The following FSIP1 variants were observed in gnomAD, a reference collection of about 807,000 sequenced individuals.
FSIP1 encodes fibrous sheath interacting protein 1.
FSIP1 carries 65 observed loss-of-function variants against 60.9 expected under a neutral mutation model. The observed-to-expected ratio is 1.07, with a 90% CI of 0.87 to 1.31. The LOEUF is 1.31. Among genes scored for constraint, FSIP1 ranks in the 40% most tolerant of loss-of-function variants. The pLI, the probability that FSIP1 is intolerant of heterozygous loss-of-function variation, is 0.00. For synonymous variants in FSIP1, 209 were observed against 221.2 expected, an observed-to-expected ratio of 0.94 and a Z score of 0.49; for missense variants, 675 against 665.5, an observed-to-expected ratio of 1.01 and a Z score of -0.16.
At chr15:39,738,251 T>A in intron 7 of FSIP1, 50 bp from the exon 8 acceptor site, 2 of 1,238,284 alleles carry the variant, frequency 1.6e-6, no homozygotes, top group African/African-American at 1.6e-5. Context: ...AAATTCACAG[T>A]TCAGGAAAAA....
intron 9 of FSIP1, among the ~76,000 whole-genome samples, chr15:39,722,733 C>A (rs1320760908): frequency 6.6e-6 from 1 of 152,020 alleles, no homozygotes; most frequent in Non-Finnish European, 1.5e-5. Context: ...GAGTTCAAGA[C>A]CAGCCTAGGC....
chr15:39,658,786 A>G (rs1893175565), intron 10 of FSIP1, among the ~76,000 whole-genome samples: 1 of 152,244 alleles, frequency 6.6e-6, no homozygotes, highest in Non-Finnish European at 1.5e-5. Flanking sequence ...GAGCTGCCGT[A>G]TGACCCAGAA....
intron 9 of FSIP1, among the ~76,000 whole-genome samples, chr15:39,721,776 T>C (rs1173406768): frequency 1.3e-5 from 2 of 152,362 alleles, no homozygotes; most frequent in East Asian, 3.9e-4. Flanking sequence ...CTCAATTCGG[T>C]AATTGTCAAG....
intron 10 of FSIP1, among the ~76,000 whole-genome samples, chr15:39,635,986 T>C (rs989317066): frequency 2.6e-5 from 4 of 152,174 alleles, no homozygotes; most frequent in African/African-American, 9.7e-5. Context: ...TAGGCTCTTG[T>C]TGAAGAGCAT....
downstream of FSIP1, chr15:39,598,563 A>G (rs1890531623): frequency 6.6e-6 from 1 of 152,252 alleles, no homozygotes. Flanking sequence ...GATTGAAAAT[A>G]CCAAGATAAG....
chr15:39,763,849 A>G lies in FSIP1; in HGVS notation c.531T>C (p.Ser177=). 6.3e-7 allele frequency: 1 copy of G among 1,595,512 alleles called. No individual in the cohort carries two copies. The highest frequency in any genetic ancestry group is 8.6e-7 in the Non-Finnish European group (1 of 1,163,550). The change falls in exon 5 of 12, where the codon TCT becomes TCC. Residue 177 remains serine, a synonymous_variant. Coordinates refer to ENST00000350221, the MANE Select transcript of FSIP1 (RefSeq NM_152597.5). ...EEMENTKKFL[S]LTAVSEETVG... is the part of the protein sequence containing the mutation. ...CAGTTTCTTCAGAAACAGCAGTCAA[A>G]GATAAAAATTTTTTTGTATTTTCCA... is the stretch of plus-strand genomic sequence containing the variant.
chr15:39,652,949 G>C (rs979621782), intron 10 of FSIP1, among the ~76,000 whole-genome samples: 1 of 152,100 alleles, frequency 6.6e-6, no homozygotes, highest in Non-Finnish European at 1.5e-5. Flanking sequence ...GTTGAGGTGG[G>C]TGGACCGCTT....
At chr15:39,660,405 G>C (rs538732881) in intron 10 of FSIP1, among the ~76,000 whole-genome samples, 159 of 152,328 alleles carry the variant, frequency 1.0e-3, no homozygotes, top group African/African-American at 3.6e-3. Context: ...TATCAGAAAA[G>C]GGTAGGGGGA....
intron 10 of FSIP1, among the ~76,000 whole-genome samples, chr15:39,646,653 A>T (rs1418299873): frequency 1.3e-5 from 2 of 150,712 alleles, no homozygotes; most frequent in African/African-American, 4.9e-5. Context: ...CTATGATTGC[A>T]CCACTGCATT....
In FSIP1 at chr15:39,776,447, A is replaced by ACTT; in HGVS notation, c.75_77dup (p.Arg25dup). 1 of 1,613,816 alleles carries ACTT rather than the reference A, an allele frequency of 6.2e-7. No individual in the cohort carries two copies. The highest frequency in any genetic ancestry group is 8.5e-7 in the Non-Finnish European group (1 of 1,179,778). On this transcript the variant is annotated inframe_insertion, in exon 2 of 12. Coordinates refer to ENST00000350221, the MANE Select transcript of FSIP1 (RefSeq NM_152597.5). ...AGAGCACCTCCAAAGAAGCATTTGA[A>ACTT]CTTCTGCTCCCAGGGCGTATTCTTG...
intron 6 of FSIP1, 60 bp from the exon 7 acceptor site, chr15:39,739,849 T>G: frequency 7.5e-6 from 8 of 1,064,528 alleles, no homozygotes; most frequent in Non-Finnish European, 1.1e-5. Context: ...TGCTAAAAGT[T>G]CACTTTAAGC....
intron 10 of FSIP1, among the ~76,000 whole-genome samples, chr15:39,710,641 T>C (rs1334351507): frequency 1.3e-5 from 2 of 152,104 alleles, no homozygotes; most frequent in Non-Finnish European, 2.9e-5. Context: ...AAAAAGACAT[T>C]AATCATGAAA....
intron 11 of FSIP1, among the ~76,000 whole-genome samples, chr15:39,602,050 C>T (rs1217678024): frequency 6.6e-6 from 1 of 152,164 alleles, no homozygotes; most frequent in African/African-American, 2.4e-5. Flanking sequence ...AGCTGGTGAA[C>T]AGTGGCTCCC....
At chr15:39,725,745 G>C (rs1204743483) in intron 9 of FSIP1, among the ~76,000 whole-genome samples, 1 of 151,940 alleles carries the variant, frequency 6.6e-6, no homozygotes, top group Admixed American at 6.6e-5. Flanking sequence ...ATAGGGTTGA[G>C]GGAGAAATTT....
At chr15:39,625,204 C>T (rs909009839) in intron 10 of FSIP1, among the ~76,000 whole-genome samples, 1 of 152,304 alleles carries the variant, frequency 6.6e-6, no homozygotes, top group East Asian at 1.9e-4. Context: ...GATGGCTCGT[C>T]TCCCGTGGCC....
intron 8 of FSIP1, among the ~76,000 whole-genome samples, chr15:39,734,320 G>A (rs538908685): frequency 3.0e-4 from 45 of 152,230 alleles, no homozygotes; most frequent in Admixed American, 1.4e-3. Context: ...ATAATTCAAG[G>A]AATGATTTAT....
chr15:39,736,554 T>G (rs1161996327), intron 8 of FSIP1, among the ~76,000 whole-genome samples: 1 of 152,212 alleles, frequency 6.6e-6, no homozygotes, highest in Non-Finnish European at 1.5e-5. Context: ...AGGCCTGGCC[T>G]GGGATTTCCA....
chr15:39,729,760 C>A (rs1473713323), intron 8 of FSIP1, among the ~76,000 whole-genome samples: 1 of 152,124 alleles, frequency 6.6e-6, no homozygotes. Flanking sequence ...AACTGAAGGC[C>A]ATAATCCTAA....
intron 5 of FSIP1, among the ~76,000 whole-genome samples, chr15:39,747,115 G>C (rs942444317): frequency 7.1e-6 from 1 of 140,510 alleles, no homozygotes; most frequent in African/African-American, 2.6e-5. Flanking sequence ...TCATTTTCTT[G>C]TCTTCTTTTC....
Sources: allele counts gnomAD v4.1 joint callset (sites outside exome capture counted in the v4.1 genomes callset), GRCh38; gene constraint gnomAD v4.1.1; transcripts MANE v1.5; gene names NCBI Gene and HGNC (gene_info 2026-07-23, HGNC 2026-07-21).